Variants in NDUFAF4 observed in about 807,000 individuals in gnomAD.
NDUFAF4 encodes NADH dehydrogenase [ubiquinone] 1 alpha subcomplex assembly factor 4.
NDUFAF4 carries 10 observed loss-of-function variants against 15.6 expected under a neutral mutation model. The ratio of observed to expected loss-of-function variants is 0.64; its 90% CI spans 0.40 to 1.09. The LOEUF (loss-of-function observed/expected upper bound fraction) is 1.09, where lower values mean the gene tolerates loss of function less well. Ranked by LOEUF, NDUFAF4 falls within the 50% of genes least tolerant of loss-of-function variation. The probability of loss-of-function intolerance (pLI) is 0.01; values close to 1 mark genes in which losing one functional copy is unlikely to be tolerated. For missense variants in NDUFAF4, 203 were observed against 207.3 expected (o/e 0.98, Z 0.13); for synonymous variants, 77 against 73.3 (o/e 1.05, Z -0.26).
chr6:96,897,044 A>G lies in NDUFAF4; in HGVS notation c.137-197T>C, dbSNP rs1465904231. The stretch of plus-strand genomic sequence containing the variant: ...CGGGTTCGAGAGATTCTCCCACCTC[A>G]GCCTCCCGACAAGCTGAGGCTACAG... On this transcript the variant is annotated intron_variant, in intron 1 of 2. Coordinates refer to ENST00000316149, the MANE Select transcript of NDUFAF4 (RefSeq NM_014165.4). 5.7e-6 allele frequency: 3 copies of G among 522,502 alleles called. No homozygotes were observed. The Admixed American group carries it at 9.1e-5, about 16-fold the overall frequency. The allele number at this position is 522,502 out of a possible 1,614,324, so 32.4% of individuals were successfully genotyped here. A position where few individuals can be genotyped will look rare whatever the true frequency, so the allele number is the denominator to read the frequency against.
intron 2 of NDUFAF4, among the ~76,000 whole-genome samples, chr6:96,895,068 G>T (rs979059444): frequency 6.6e-6 from 1 of 152,186 alleles, no homozygotes; most frequent in Non-Finnish European, 1.5e-5. Flanking sequence ...TGCATTTTAA[G>T]TAAGTGGAGA....
Position 96,891,122 on chromosome 6 carries a change from T to C in NDUFAF4, c.510A>G (p.Lys170=), listed in dbSNP as rs1243315314. Residue 170 remains lysine, a synonymous_variant, in exon 3 of 3, where the codon AAA becomes AAG. Transcript: ENST00000316149. The part of the protein sequence containing the change: ...EVEIFPPEDK[K]AIRSK ...ATTTTCTTCATTTTGATCGTATTGCTTTCTTGTCTTCAGGAGGGAAGATTT... is the reference window on the plus strand; with the variant it reads ...ATTTTCTTCATTTTGATCGTATTGCCTTCTTGTCTTCAGGAGGGAAGATTT... 6.2e-7 allele frequency: 1 copy of C among 1,612,816 alleles called. No individual in the cohort carries two copies. The highest frequency in any genetic ancestry group is 1.7e-5 in the Admixed American group (1 of 59,946).
chr6:96,895,492 C>A (rs966956232), intron 2 of NDUFAF4, among the ~76,000 whole-genome samples: 4 of 152,178 alleles, frequency 2.6e-5, no homozygotes, highest in Non-Finnish European at 4.4e-5. Context: ...GGAATCTAGA[C>A]TTTTCCTAAT....
intron 2 of NDUFAF4, among the ~76,000 whole-genome samples, chr6:96,893,201 C>T (rs1387400618): frequency 1.3e-5 from 2 of 152,266 alleles, no homozygotes; most frequent in South Asian, 4.1e-4. Context: ...ACTAAATCAC[C>T]CTAGTCCAAG....
chr6:96,892,715 G>A (rs774680448), intron 2 of NDUFAF4, among the ~76,000 whole-genome samples: 2 of 151,854 alleles, frequency 1.3e-5, no homozygotes, highest in Non-Finnish European at 1.5e-5. Context: ...GTTTTCCATC[G>A]GTTTTTTCAG....
Position 96,897,752 on chromosome 6 carries a change from C to G in NDUFAF4, c.50G>C (p.Arg17Pro). The G allele has an allele frequency of 6.2e-7, 1 of 1,614,160 alleles. No homozygotes were observed. The highest frequency in any genetic ancestry group is 8.5e-7 in the Non-Finnish European group (1 of 1,180,004). ...CATCTTGCTGATTTCCCGTTCCGCT[C>G]GGTTCTCTAGGTTGAAATTCCTGAT... ...RGIRNFNLEN[R>P]AEREISKMKP... is the part of the protein sequence containing the mutation. Residue 17 changes from arginine to proline, a missense_variant, in exon 1 of 3, where the codon CGA (arginine) becomes CCA (proline). Transcript: ENST00000316149.
At position 96,897,817 on chromosome 6, in the gene NDUFAF4, T is replaced by G; in HGVS notation, c.-16A>C. 1.9e-6 allele frequency: 3 copies of G among 1,613,998 alleles called. No individual in the cohort carries two copies. Among genetic ancestry groups the G allele is most frequent in the Non-Finnish European group, 2.5e-6 (3 of 1,179,890 alleles). On this transcript the variant is annotated 5_prime_UTR_variant, in exon 1 of 3. Transcript: ENST00000316149. ...GTGCTCCCATCTCCTCATAACATTA[T>G]GCGCTCAGGTTCAGGCCGCACGTGG...
chr6:96,896,860 A>G lies in NDUFAF4; in HGVS notation c.137-13T>C. ...ACTTCTGGATAGACTAAGGAAAGGAAAAAAGTCACAATATTAAAATCAAGG... is the reference window on the plus strand; with the variant it reads ...ACTTCTGGATAGACTAAGGAAAGGAGAAAAGTCACAATATTAAAATCAAGG... On this transcript the variant is annotated splice_polypyrimidine_tract_variant and intron_variant, in intron 1 of 2. Coordinates refer to ENST00000316149, the MANE Select transcript of NDUFAF4 (RefSeq NM_014165.4). 6.4e-7 allele frequency: 1 copy of G among 1,571,552 alleles called. No homozygotes were observed. The highest frequency in any genetic ancestry group is 8.8e-7 in the Non-Finnish European group (1 of 1,141,714).
At chr6:96,897,188 G>C (rs576067734) in intron 1 of NDUFAF4, among the ~76,000 whole-genome samples, 1 of 152,282 alleles carries the variant, frequency 6.6e-6, no homozygotes, top group African/African-American at 2.4e-5. Flanking sequence ...GCCTCCCAAA[G>C]TGCTGAGATT....
At chr6:96,893,404 T>C (rs993441850) in intron 2 of NDUFAF4, among the ~76,000 whole-genome samples, 1 of 152,172 alleles carries the variant, frequency 6.6e-6, no homozygotes, top group African/African-American at 2.4e-5. Flanking sequence ...GCCTTTACGA[T>C]CTGACCCCTA....
intron 1 of NDUFAF4, 134 bp downstream of exon 1, chr6:96,897,532 C>A (rs1360578633): frequency 5.9e-6 from 8 of 1,348,440 alleles, no homozygotes; most frequent in Non-Finnish European, 7.1e-6. Flanking sequence ...CCCCTTCCAA[C>A]GCTCCGCCAA....
At position 96,890,904 on chromosome 6, in the gene NDUFAF4, T is replaced by C. The variant is rs1406075976; in HGVS notation, c.*200A>G. ...CATGCTGACATGCACTTATGAAATA[T>C]GCCTAAACCAAATTAAAATAAAACA... On this transcript the variant is annotated 3_prime_UTR_variant, in exon 3 of 3. Coordinates refer to ENST00000316149, the MANE Select transcript of NDUFAF4 (RefSeq NM_014165.4). 1 of 539,018 alleles carries C rather than the reference T, an allele frequency of 1.9e-6. No individual in the cohort carries two copies. The highest frequency in any genetic ancestry group is 3.3e-5 in the East Asian group (1 of 30,006). 33.4% of individuals were successfully genotyped at this position (539,018 alleles called of 1,614,324 possible).
rs369908244 is a variant in NDUFAF4, at chr6:96,891,433, T to C, written c.241-42A>G. 6 of 1,545,710 alleles carry C rather than the reference T, an allele frequency of 3.9e-6. No individual in the cohort carries two copies. The Admixed American group carries it at 5.1e-5, about 13-fold the overall frequency. Reference sequence around the variant, plus strand: ...AAGGTTTTAGGATGAGAGAAAAGATTTGACATCTACTTTCATACTTCTCAA... The same window carrying C: ...AAGGTTTTAGGATGAGAGAAAAGATCTGACATCTACTTTCATACTTCTCAA... On this transcript the variant is annotated intron_variant, in intron 2 of 2. Coordinates refer to ENST00000316149, the MANE Select transcript of NDUFAF4 (RefSeq NM_014165.4).
chr6:96,894,254 G>A (rs1410331977), intron 2 of NDUFAF4, among the ~76,000 whole-genome samples: 2 of 152,148 alleles, frequency 1.3e-5, no homozygotes, highest in African/African-American at 4.8e-5. Context: ...GTGTATCCAT[G>A]CTGTACAGGC....
intron 2 of NDUFAF4, among the ~76,000 whole-genome samples, chr6:96,894,911 A>G (rs1164374700): frequency 6.6e-6 from 1 of 152,000 alleles, no homozygotes; most frequent in African/African-American, 2.4e-5. Flanking sequence ...AGAGACCAGA[A>G]ACTTTTTAAA....
Position 96,896,724 on chromosome 6 carries a change from T to G in NDUFAF4, c.240+20A>C, listed in dbSNP as rs751351326. On this transcript the variant is annotated intron_variant, in intron 2 of 2. Coordinates refer to ENST00000316149, the MANE Select transcript of NDUFAF4 (RefSeq NM_014165.4). ...CAAAATAAGTAAATTGTGTATTCACTTAATTAAACACACATTTACCTGCAA... is the reference window on the plus strand; with the variant it reads ...CAAAATAAGTAAATTGTGTATTCACGTAATTAAACACACATTTACCTGCAA... 22 of 1,567,902 alleles carry G rather than the reference T, an allele frequency of 1.4e-5. No homozygotes were observed. Among genetic ancestry groups the G allele is most frequent in the Non-Finnish European group, 1.8e-5 (21 of 1,139,898 alleles).
At chr6:96,896,032 T>C (rs899937477) in intron 2 of NDUFAF4, 24 of 152,314 alleles carry the variant, frequency 1.6e-4, no homozygotes, top group Admixed American at 1.4e-3. Flanking sequence ...AAACCATCCT[T>C]GATCCTCCCA....
At chr6:96,895,659 G>A (rs1196408686) in intron 2 of NDUFAF4, among the ~76,000 whole-genome samples, 1 of 152,096 alleles carries the variant, frequency 6.6e-6, no homozygotes, top group African/African-American at 2.4e-5. Flanking sequence ...TACTTGGGGA[G>A]TATTACTCAA....
Position 96,891,053 on chromosome 6 carries a change from T to C in NDUFAF4, c.*51A>G. 6.6e-7 allele frequency: 1 copy of C among 1,520,598 alleles called. No homozygotes were observed. The highest frequency in any genetic ancestry group is 9.0e-7 in the Non-Finnish European group (1 of 1,105,872). The allele number at this position is 1,520,598 out of a possible 1,614,324, so 94.2% of individuals were successfully genotyped here. A position where few individuals can be genotyped will look rare whatever the true frequency, so the allele number is the denominator to read the frequency against. ...ATTTATTACGCAAAAAATGAGAAAA[T>C]ATACAGCAGGAGGGATGAGGAGTAC... On this transcript the variant is annotated 3_prime_UTR_variant, in exon 3 of 3. Transcript: ENST00000316149.
Sources: gnomAD v4.1 joint callset for allele counts (sites outside exome capture counted in the v4.1 genomes callset) on GRCh38, gnomAD v4.1.1 for gene constraint, MANE v1.5 for transcripts, NCBI Gene and HGNC (gene_info 2026-07-23, HGNC 2026-07-21) for gene names.